The following ADAMTS17 variants were observed in gnomAD, a reference collection of about 807,000 sequenced individuals.
ADAMTS17 encodes the protein A disintegrin and metalloproteinase with thrombospondin motifs 17.
A neutral mutation model predicts 141.5 loss-of-function variants in ADAMTS17; 113 were observed. The ratio of observed to expected loss-of-function variants is 0.80; its 90% CI spans 0.69 to 0.93. The LOEUF (loss-of-function observed/expected upper bound fraction) is 0.93, where lower values mean the gene tolerates loss of function less well. ADAMTS17 is among the 40% of genes least tolerant of loss of function. ADAMTS17 has a pLI of 0.00. For missense variants in ADAMTS17, 1,659 were observed against 1,517.9 expected, an observed-to-expected ratio of 1.09 and a Z score of -1.54; for synonymous variants, 768 against 630.6, an observed-to-expected ratio of 1.22 and a Z score of -3.27.
At chr15:100,105,497 C>G (rs1251372936) in intron 14 of ADAMTS17, among the ~76,000 whole-genome samples, 2 of 152,090 alleles carry the variant, frequency 1.3e-5, no homozygotes, top group Non-Finnish European at 2.9e-5. Context: ...GCGTGCATCC[C>G]AATGTCACTC....
chr15:99,979,074 G>A (rs1056561073), intron 20 of ADAMTS17: 1 of 152,262 alleles, frequency 6.6e-6, no homozygotes, highest in African/African-American at 2.4e-5. Flanking sequence ...CTAAAGGTAA[G>A]GGAGCAAAGG....
At chr15:99,979,606 G>C (rs2060441737) in intron 20 of ADAMTS17, 1 of 152,094 alleles carries the variant, frequency 6.6e-6, no homozygotes. Flanking sequence ...AAAAAGGGCA[G>C]CATTTGAGTG....
chr15:100,243,880 G>C (rs527986868), intron 7 of ADAMTS17, among the ~76,000 whole-genome samples: 1 of 151,612 alleles, frequency 6.6e-6, no homozygotes, highest in Non-Finnish European at 1.5e-5. Flanking sequence ...TTAGTCATCC[G>C]CTTTAACCCT....
At chr15:100,285,038 C>G (rs1026062897) in intron 3 of ADAMTS17, among the ~76,000 whole-genome samples, 1 of 152,198 alleles carries the variant, frequency 6.6e-6, no homozygotes, top group Non-Finnish European at 1.5e-5. Flanking sequence ...GTCACAGACA[C>G]CAGGAAGCAT....
chr15:100,276,589 G>T (rs2044104528), intron 4 of ADAMTS17, among the ~76,000 whole-genome samples: 1 of 151,988 alleles, frequency 6.6e-6, no homozygotes, highest in Admixed American at 6.5e-5. Flanking sequence ...AGAGAAATGT[G>T]TTGGAATGAA....
intron 15 of ADAMTS17, among the ~76,000 whole-genome samples, chr15:100,091,231 A>C (rs1260815396): frequency 6.6e-6 from 1 of 152,002 alleles, no homozygotes; most frequent in Non-Finnish European, 1.5e-5. Context: ...CTCTCAGGCC[A>C]GATACCCCCG....
intron 18 of ADAMTS17, among the ~76,000 whole-genome samples, chr15:100,044,215 G>A (rs557115954): frequency 1.3e-5 from 2 of 152,020 alleles, no homozygotes; most frequent in Admixed American, 1.3e-4. Flanking sequence ...CACAAACCTG[G>A]GAAATTTTTG....
At chr15:100,249,883 C>A (rs1332191727) in intron 7 of ADAMTS17, among the ~76,000 whole-genome samples, 1 of 152,172 alleles carries the variant, frequency 6.6e-6, no homozygotes, top group East Asian at 1.9e-4. Flanking sequence ...TAACAGGTTA[C>A]CCTGGGGGGA....
At chr15:100,240,809 T>C (rs1032263373) in intron 7 of ADAMTS17, among the ~76,000 whole-genome samples, 1 of 152,164 alleles carries the variant, frequency 6.6e-6, no homozygotes, top group Non-Finnish European at 1.5e-5. Context: ...CAACTTCTGT[T>C]TGTTTTTCTC....
chr15:100,091,010 C>CAAA (rs556800178), intron 15 of ADAMTS17, among the ~76,000 whole-genome samples: 8 of 54,598 alleles, frequency 1.5e-4, no homozygotes, highest in East Asian at 1.1e-3. Flanking sequence ...TCCGTCTCAA[C>CAAA]AAAAAAAAAA....
At chr15:100,319,467 T>C (rs1246508511) in intron 3 of ADAMTS17, among the ~76,000 whole-genome samples, 2 of 152,100 alleles carry the variant, frequency 1.3e-5, no homozygotes, top group African/African-American at 4.8e-5. Context: ...TCCCAGCACT[T>C]AGGGAGGCCG....
chr15:100,045,224 A>C (rs942405848), intron 18 of ADAMTS17, among the ~76,000 whole-genome samples: 1 of 152,170 alleles, frequency 6.6e-6, no homozygotes, highest in Non-Finnish European at 1.5e-5. Flanking sequence ...TTATAATCAA[A>C]GTAATCACGT....
At chr15:100,235,277 G>C (rs764899787) in intron 7 of ADAMTS17, among the ~76,000 whole-genome samples, 1 of 152,132 alleles carries the variant, frequency 6.6e-6, no homozygotes, top group Non-Finnish European at 1.5e-5. Flanking sequence ...AGTAGGGCTG[G>C]TGGCAGGCAA....
At chr15:100,000,336 G>T (rs2060894366) in intron 18 of ADAMTS17, among the ~76,000 whole-genome samples, 1 of 152,120 alleles carries the variant, frequency 6.6e-6, no homozygotes, top group African/African-American at 2.4e-5. Flanking sequence ...TCCCCTTTAA[G>T]TTTTCTCTTC....
intron 8 of ADAMTS17, among the ~76,000 whole-genome samples, chr15:100,173,185 ATTT>A (rs201395610): frequency 6.6e-6 from 1 of 151,478 alleles, no homozygotes; most frequent in Non-Finnish European, 1.5e-5. Flanking sequence ...TAGTTTAATT[ATTT>A]TTTTTCTTTT....
chr15:99,984,576 C>T (rs1408896622), intron 20 of ADAMTS17, among the ~76,000 whole-genome samples: 1 of 152,192 alleles, frequency 6.6e-6, no homozygotes, highest in Non-Finnish European at 1.5e-5. Context: ...CTGGGCATTT[C>T]CCCTGTGCCA....
intron 10 of ADAMTS17, among the ~76,000 whole-genome samples, chr15:100,138,153 C>T (rs2038434970): frequency 6.6e-6 from 1 of 152,096 alleles, no homozygotes; most frequent in South Asian, 2.1e-4. Context: ...TTTACCAGTT[C>T]TGAAAAGGCT....
At chr15:100,305,881 C>T (rs778688943) in intron 3 of ADAMTS17, 1 of 152,218 alleles carries the variant, frequency 6.6e-6, no homozygotes, top group Non-Finnish European at 1.5e-5. Context: ...ACAAACTCAT[C>T]ACATTGTACA....
At chr15:100,020,805 G>A (rs1357833216) in intron 18 of ADAMTS17, among the ~76,000 whole-genome samples, 1 of 152,220 alleles carries the variant, frequency 6.6e-6, no homozygotes, top group Non-Finnish European at 1.5e-5. Context: ...GTTCGGCTGT[G>A]TCTATCTCCA....
Sources: gnomAD v4.1 joint callset for allele counts (sites outside exome capture counted in the v4.1 genomes callset) on GRCh38, gnomAD v4.1.1 for gene constraint, MANE v1.5 for transcripts, NCBI Gene and HGNC (gene_info 2026-07-23, HGNC 2026-07-21) for gene names.